Variants in GSG1L observed in about 807,000 individuals in gnomAD.
GSG1L encodes the protein germ cell-specific gene 1-like protein.
GSG1L carries 24 observed loss-of-function variants against 42.1 expected under a neutral mutation model. The ratio of observed to expected loss-of-function variants is 0.57; its 90% CI spans 0.41 to 0.80. The LOEUF (loss-of-function observed/expected upper bound fraction) is 0.80. Ranked by LOEUF, GSG1L falls within the 30% of genes least tolerant of loss-of-function variation. The probability of loss-of-function intolerance (pLI) is 0.00; values close to 1 mark genes in which losing one functional copy is unlikely to be tolerated. For synonymous variants in GSG1L, 215 were observed against 203.5 expected (o/e 1.06, Z -0.48); for missense variants, 445 against 472.2 (o/e 0.94, Z 0.53).
At chr16:27,802,214 C>A (rs919727170) in intron 6 of GSG1L, among the ~76,000 whole-genome samples, 2 of 152,168 alleles carry the variant, frequency 1.3e-5, no homozygotes, top group East Asian at 3.8e-4. Flanking sequence ...CAGGGTCCAG[C>A]AACGTGCCTT....
chr16:28,007,862 C>T (rs566382523), intron 1 of GSG1L, among the ~76,000 whole-genome samples: 5 of 152,150 alleles, frequency 3.3e-5, no homozygotes, highest in African/African-American at 9.6e-5. Context: ...AATCTGAGGA[C>T]CCTGGTGTAT....
At chr16:27,953,203 CCT>C (rs2084968330) in intron 2 of GSG1L, among the ~76,000 whole-genome samples, 1 of 152,204 alleles carries the variant, frequency 6.6e-6, no homozygotes, top group African/African-American at 2.4e-5. Context: ...GATCCTCCTG[CCT>C]CAACCTCACA....
rs1435191347 is a variant in GSG1L at position 27,899,724 on chromosome 16, TAAATA to T, written c.398-15091_398-15087del. On this transcript the variant is annotated intron_variant, in intron 2 of 6. Coordinates refer to ENST00000447459, the MANE Select transcript of GSG1L (RefSeq NM_001109763.2). ...AGAAGGACACCCTGTCTCAAAAACA[TAAATA>T]AATAACAACAAGACACGTGTAAAGA... Among the ~76,000 whole-genome samples, 2 of 151,878 alleles carry T rather than the reference TAAATA, an allele frequency of 1.3e-5. 1 individual carries two copies. The highest frequency in any genetic ancestry group is 4.2e-4 in the South Asian group (2 of 4,810).
intron 1 of GSG1L, among the ~76,000 whole-genome samples, chr16:28,054,708 G>C (rs1427860777): frequency 7.3e-5 from 11 of 151,698 alleles, no homozygotes; most frequent in Admixed American, 7.2e-4. Context: ...ACAACTGGGG[G>C]CTGGGAACTC....
At chr16:27,807,670 A>G in intron 5 of GSG1L, 116 bp from the exon 6 acceptor site, 1 of 831,184 alleles carries the variant, frequency 1.2e-6, no homozygotes, top group Non-Finnish European at 1.9e-6. Context: ...TATTTTGCAA[A>G]GTAACTTTCC....
chr16:28,017,109 TC>T (rs2085789818), intron 1 of GSG1L, among the ~76,000 whole-genome samples: 1 of 152,218 alleles, frequency 6.6e-6, no homozygotes. Flanking sequence ...GGTTTTTTTC[TC>T]CTTATTGGAA....
At chr16:27,888,122 C>A in intron 2 of GSG1L, 1 of 985,526 alleles carries the variant, frequency 1.0e-6, no homozygotes, top group Non-Finnish European at 1.2e-6. Flanking sequence ...GCAGGGACTG[C>A]CCCTCATCAT....
At chr16:27,961,804 C>A (rs933105201) in intron 2 of GSG1L, among the ~76,000 whole-genome samples, 1 of 152,096 alleles carries the variant, frequency 6.6e-6, no homozygotes, top group Admixed American at 6.5e-5. Flanking sequence ...ATGGAGGAGG[C>A]GGTCCTGACT....
At chr16:27,937,515 T>C (rs532141474) in intron 2 of GSG1L, among the ~76,000 whole-genome samples, 3 of 152,336 alleles carry the variant, frequency 2.0e-5, no homozygotes, top group Non-Finnish European at 2.9e-5. Flanking sequence ...GTGCTGGGAC[T>C]ATAGGCATGA....
At chr16:27,931,344 G>A (rs9939316) in intron 2 of GSG1L, among the ~76,000 whole-genome samples, 68,484 of 151,906 alleles carry the variant, frequency 0.45, 15,732 homozygotes, top group Middle Eastern at 0.56. Context: ...GTGCTCAAAC[G>A]GCTGGCTTCA....
chr16:28,063,004 G>A lies in GSG1L; in HGVS notation c.349+72C>T, dbSNP rs973325037. The A allele has an allele frequency of 7.9e-7, 1 of 1,273,306 alleles. No homozygotes were observed. Among genetic ancestry groups the A allele is most frequent in the East Asian group, 3.5e-5 (1 of 28,352 alleles). The allele number at this position is 1,273,306 out of a possible 1,614,324, so 78.9% of individuals were successfully genotyped here. ...GCGGGAGGAGGGCGAACGGGTCCGGGGCTCGGGCCTCGATGGCCGCGCCGC... is the reference window on the plus strand; with the variant it reads ...GCGGGAGGAGGGCGAACGGGTCCGGAGCTCGGGCCTCGATGGCCGCGCCGC... On this transcript the variant is annotated intron_variant, in intron 1 of 6. Coordinates refer to ENST00000447459, the MANE Select transcript of GSG1L (RefSeq NM_001109763.2). This position sits in a 1 kb window ranked among gnomAD's most constrained non-coding sequence, Gnocchi z 5.8.
intron 2 of GSG1L, among the ~76,000 whole-genome samples, chr16:27,913,143 A>C (rs1298429077): frequency 6.6e-6 from 1 of 152,170 alleles, no homozygotes; most frequent in Non-Finnish European, 1.5e-5. Context: ...AATCTTAAGA[A>C]CATAATGTAA....
At chr16:27,806,391 T>G (rs2082962605) in intron 6 of GSG1L, among the ~76,000 whole-genome samples, 1 of 152,230 alleles carries the variant, frequency 6.6e-6, no homozygotes, top group Non-Finnish European at 1.5e-5. Context: ...GACCTGTGTT[T>G]AAATCTCTGC....
At chr16:27,845,259 GTTT>G (rs1311783275) in intron 3 of GSG1L, among the ~76,000 whole-genome samples, 198 bp from the exon 4 acceptor site, 16 of 152,252 alleles carry the variant, frequency 1.1e-4, no homozygotes, top group African/African-American at 3.8e-4. Context: ...CTTTCTTTTT[GTTT>G]TTAAGACAGG....
At position 28,059,314 on chromosome 16, in the gene GSG1L, G is replaced by C. The variant is rs1166455438; in HGVS notation, c.349+3762C>G. 1.3e-5 allele frequency among the ~76,000 whole-genome samples: 2 copies of C among 152,100 alleles called. No individual in the cohort carries two copies. Among genetic ancestry groups the C allele is most frequent in the African/African-American group, 4.8e-5 (2 of 41,398 alleles). ...CCCCAACGTCTCTGGGACTGTGGGAGGGGCCACCGCGGTGTGGGGTGTGTT... is the reference window on the plus strand; with the variant it reads ...CCCCAACGTCTCTGGGACTGTGGGACGGGCCACCGCGGTGTGGGGTGTGTT... On this transcript the variant is annotated intron_variant, in intron 1 of 6. Coordinates refer to ENST00000447459, the MANE Select transcript of GSG1L (RefSeq NM_001109763.2). The surrounding 1 kb of genome is among the most constrained non-coding windows in gnomAD (Gnocchi z 4.4).
chr16:28,058,139 C>T (rs2086299724), intron 1 of GSG1L, among the ~76,000 whole-genome samples: 1 of 152,162 alleles, frequency 6.6e-6, no homozygotes, highest in Non-Finnish European at 1.5e-5. Context: ...GCTGGGGAGA[C>T]TGAGGAGCAG....
chr16:27,915,239 A>ACACACC lies in GSG1L; in HGVS notation c.398-30602_398-30601insGGTGTG, dbSNP rs1491571124. Among the ~76,000 whole-genome samples the ACACACC allele has an allele frequency of 9.1e-5, 11 of 120,842 alleles. No homozygotes were observed. In the East Asian group the frequency reaches 1.4e-3, roughly 16 times the overall value. The allele number at this position is 120,842 out of a possible 152,430, so 79.3% of individuals were successfully genotyped here. On this transcript the variant is annotated intron_variant, in intron 2 of 6. Transcript: ENST00000447459. ...CACACACACACACACACACACACAC[A>ACACACC]CCCTGTTGGTTTTGAAAACTCACTG...
At chr16:28,002,766 T>C (rs1596690312) in intron 1 of GSG1L, among the ~76,000 whole-genome samples, 1 of 142,526 alleles carries the variant, frequency 7.0e-6, no homozygotes, top group East Asian at 2.1e-4. Flanking sequence ...CCGTCTCTAC[T>C]AAAAATACAA....
At chr16:28,037,080 G>T (rs1396985246) in intron 1 of GSG1L, among the ~76,000 whole-genome samples, 1 of 152,188 alleles carries the variant, frequency 6.6e-6, no homozygotes, top group East Asian at 1.9e-4. Context: ...AGGCTGGAGT[G>T]CAGTGGTGTG....
Sources: allele counts gnomAD v4.1 joint callset (sites outside exome capture counted in the v4.1 genomes callset), GRCh38; gene constraint gnomAD v4.1.1; non-coding constraint Gnocchi (gnomAD v3.1); transcripts MANE v1.5; gene names NCBI Gene and HGNC (gene_info 2026-07-23, HGNC 2026-07-21).